CAPN13: variants seen among roughly 807,000 people sequenced by gnomAD.
CAPN13 encodes calpain-13.
A neutral mutation model predicts 98.4 loss-of-function variants in CAPN13; 90 were observed. That is an observed-to-expected ratio of 0.92 (90% confidence interval 0.77 to 1.09). The LOEUF (loss-of-function observed/expected upper bound fraction) is 1.09, where lower values mean the gene tolerates loss of function less well. CAPN13 is among the 50% of genes least tolerant of loss of function. The pLI, the probability that CAPN13 is intolerant of heterozygous loss-of-function variation, is 0.00. For missense variants in CAPN13, 887 were observed against 841.3 expected (o/e 1.05, Z -0.67); for synonymous variants, 330 against 305.5 (o/e 1.08, Z -0.84).
Position 30,770,604 on chromosome 2 carries a change from C to T in CAPN13, c.388-155G>A, listed in dbSNP as rs549641001. Among the ~76,000 whole-genome samples the T allele has an allele frequency of 3.3e-5, 5 of 152,336 alleles. No individual in the cohort carries two copies. The East Asian group carries it at 7.7e-4, about 24-fold the overall frequency. ...CCAGCCCAGGTTGCCAGGCAGGAGA[C>T]AGGCATGTCATCTCAACCGGCAGAT... On this transcript the variant is annotated intron_variant, in intron 4 of 22. Coordinates refer to ENST00000295055, the MANE Select transcript of CAPN13 (RefSeq NM_144575.3).
At chr2:30,781,106 GAT>G (rs142075974) in intron 2 of CAPN13, among the ~76,000 whole-genome samples, 1 of 152,362 alleles carries the variant, frequency 6.6e-6, no homozygotes, top group East Asian at 1.9e-4. Context: ...GTCATTCAGA[GAT>G]AGCGTTCAAG....
intron 1 of CAPN13, among the ~76,000 whole-genome samples, chr2:30,794,300 T>G (rs1024685160): frequency 2.8e-4 from 42 of 151,856 alleles, no homozygotes; most frequent in African/African-American, 1.0e-3. Flanking sequence ...TGAAAAGATG[T>G]TCCACATCAT....
intron 1 of CAPN13, among the ~76,000 whole-genome samples, chr2:30,798,001 A>G (rs959873585): frequency 6.6e-6 from 1 of 152,234 alleles, no homozygotes; most frequent in Non-Finnish European, 1.5e-5. Flanking sequence ...CAAAGGAAGA[A>G]CATGTGATCT....
chr2:30,730,828 GT>G (rs1301866690), intron 21 of CAPN13, 42 bp from the exon 22 acceptor site: 6 of 780,476 alleles, frequency 7.7e-6, no homozygotes, highest in Non-Finnish European at 1.2e-5. Flanking sequence ...CTTTACACTT[GT>G]TAGCTTAATA....
chr2:30,724,661 C>A (rs189192655), intron 22 of CAPN13, among the ~76,000 whole-genome samples: 1 of 152,346 alleles, frequency 6.6e-6, no homozygotes, highest in Non-Finnish European at 1.5e-5. Context: ...GCCTGGTAAC[C>A]ACCAGGTGTA....
intron 8 of CAPN13, 91 bp from the exon 9 acceptor site, chr2:30,754,455 C>T: frequency 2.8e-6 from 3 of 1,060,692 alleles, no homozygotes; most frequent in South Asian, 1.8e-5. Context: ...CTGTACATGT[C>T]ACCATTCCTG....
At chr2:30,758,001 C>A (rs770100730) in intron 8 of CAPN13, 45 bp downstream of exon 8, 5 of 1,473,128 alleles carry the variant, frequency 3.4e-6, no homozygotes, top group African/African-American at 2.9e-5. Context: ...TCTACCGACA[C>A]CAAGCGCTCT....
chr2:30,741,528 T>C (rs749252896), intron 15 of CAPN13: 1 of 1,058,110 alleles, frequency 9.5e-7, no homozygotes, highest in East Asian at 7.9e-5. Flanking sequence ...TTTCTGAAGC[T>C]GGCTAGCTCC....
chr2:30,734,461 T>C lies in CAPN13; in HGVS notation c.1786A>G (p.Ile596Val), dbSNP rs1671258492. Residue 596 changes from isoleucine (I) to valine (V), a missense_variant, in exon 19 of 23, where the codon ATA becomes GTA. Transcript: ENST00000295055. Reference protein sequence around the residue: ...VLLSSDLWKAIENTDFLRGIF... With the variant: ...VLLSSDLWKAVENTDFLRGIF... ...GTCCCCATTGTACCTGTATTCTCTATGGCCTTCCACAAGTCCGAGCTCAGG... is the reference window on the plus strand; with the variant it reads ...GTCCCCATTGTACCTGTATTCTCTACGGCCTTCCACAAGTCCGAGCTCAGG... The C allele has an allele frequency of 6.2e-7, 1 of 1,613,758 alleles. No homozygotes were observed. Among genetic ancestry groups the C allele is most frequent in the Admixed American group, 1.7e-5 (1 of 60,000 alleles).
At chr2:30,764,795 C>G (rs1673031004) in intron 5 of CAPN13, among the ~76,000 whole-genome samples, 1 of 152,114 alleles carries the variant, frequency 6.6e-6, no homozygotes, top group African/African-American at 2.4e-5. Flanking sequence ...CTATGAGAGG[C>G]ATATGTTTAA....
At chr2:30,742,444 T>C (rs936887102) in intron 13 of CAPN13, 85 bp from the exon 14 acceptor site, 4 of 1,429,738 alleles carry the variant, frequency 2.8e-6, no homozygotes, top group Middle Eastern at 1.7e-4. Flanking sequence ...CAGGTGGCAC[T>C]GGATATTGAT....
chr2:30,789,596 C>T lies in CAPN13; in HGVS notation c.-32-2239G>A, dbSNP rs1019244230. ...ACTATTGGATGGAGGACTGGCCAGA[C>T]TTTAGGAATTCCCATTCTAAGATTC... On this transcript the variant is annotated intron_variant, in intron 1 of 22. Transcript: ENST00000295055. 5.3e-5 allele frequency among the ~76,000 whole-genome samples: 8 copies of T among 152,306 alleles called. No homozygotes were observed. The South Asian group carries it at 1.7e-3, about 32-fold the overall frequency.
At chr2:30,768,560 C>T (rs1673225279) in intron 5 of CAPN13, among the ~76,000 whole-genome samples, 1 of 152,212 alleles carries the variant, frequency 6.6e-6, no homozygotes, top group African/African-American at 2.4e-5. Flanking sequence ...GCCCCTGGGC[C>T]TCTGCATACC....
rs758130497 is a variant in CAPN13, at chr2:30,743,547, AAAAAACACGGGTGG to A, written c.1267_1280del (p.Pro423PhefsTer12). The A allele has an allele frequency of 6.2e-7, 1 of 1,614,006 alleles. No individual in the cohort carries two copies. The highest frequency in any genetic ancestry group is 8.5e-7 in the Non-Finnish European group (1 of 1,179,896). ...TTTGGACAGTGTTTCTGAACGAGGA[AAAAAACACGGGTGG>A]AAATTTCTCCCGGAACCGCTGGAAT... is the stretch of plus-strand genomic sequence containing the variant. On this transcript the variant is annotated frameshift_variant, in exon 13 of 23. Transcript: ENST00000295055. LOFTEE classifies it high-confidence loss of function.
chr2:30,805,610 T>C (rs1028923460), intron 1 of CAPN13, among the ~76,000 whole-genome samples: 41 of 152,190 alleles, frequency 2.7e-4, no homozygotes, highest in African/African-American at 9.2e-4. Context: ...AGATTACTGT[T>C]GCTACCATGT....
intron 22 of CAPN13, chr2:30,729,571 A>T (rs1202326575): frequency 1.3e-5 from 2 of 152,246 alleles, no homozygotes; most frequent in Non-Finnish European, 2.9e-5. Flanking sequence ...AAAACTGAAA[A>T]TAATCAAATG....
intron 6 of CAPN13, 61 bp from the exon 7 acceptor site, chr2:30,763,217 A>G: frequency 6.7e-7 from 1 of 1,483,092 alleles, no homozygotes; most frequent in Non-Finnish European, 9.3e-7. Context: ...AGAAATAGAA[A>G]AACACAGTCC....
At chr2:30,736,676 T>C in intron 17 of CAPN13, 105 bp from the exon 18 acceptor site, 1 of 991,546 alleles carries the variant, frequency 1.0e-6, no homozygotes, top group South Asian at 1.4e-5. Flanking sequence ...GCAACACAGC[T>C]GGTCCATTGT....
intron 7 of CAPN13, among the ~76,000 whole-genome samples, chr2:30,761,801 C>G (rs112470410): frequency 6.6e-6 from 1 of 152,118 alleles, no homozygotes; most frequent in African/African-American, 2.4e-5. Context: ...GGACACCGAT[C>G]AAACCATGAA....
Sources: gnomAD v4.1 joint callset for allele counts (sites outside exome capture counted in the v4.1 genomes callset) on GRCh38, gnomAD v4.1.1 for gene constraint, MANE v1.5 for transcripts, NCBI Gene and HGNC (gene_info 2026-07-23, HGNC 2026-07-21) for gene names.